The following DPF3 variants were observed in gnomAD, a reference collection of about 807,000 sequenced individuals.
The protein encoded by DPF3 is double PHD fingers 3, also known as zinc finger protein DPF3.
A neutral mutation model predicts 56.8 loss-of-function variants in DPF3; 18 were observed. The ratio of observed to expected loss-of-function variants is 0.32; its 90% CI spans 0.22 to 0.47. DPF3 has a LOEUF of 0.47. Among genes scored for constraint, DPF3 ranks in the 20% least tolerant of loss-of-function variants. DPF3 has a pLI of 1.00. For missense variants in DPF3, 403 were observed against 488.8 expected, an observed-to-expected ratio of 0.82 and a Z score of 1.65; for synonymous variants, 188 against 180.2, an observed-to-expected ratio of 1.04 and a Z score of -0.35.
At chr14:72,771,990 C>A in intron 1 of DPF3, 97 bp from the exon 2 acceptor site, 1 of 1,288,784 alleles carries the variant, frequency 7.8e-7, no homozygotes, top group Non-Finnish European at 1.0e-6. Context: ...CCTGGAAAGA[C>A]TGAAGACCTC....
chr14:72,849,662 C>T (rs1884895721), intron 1 of DPF3, among the ~76,000 whole-genome samples: 1 of 152,290 alleles, frequency 6.6e-6, no homozygotes, highest in South Asian at 2.1e-4. Flanking sequence ...CAACTCCTTC[C>T]TCCCCATTCC....
chr14:72,759,563 G>A (rs1599416753), intron 2 of DPF3, among the ~76,000 whole-genome samples: 1 of 148,778 alleles, frequency 6.7e-6, no homozygotes, highest in Non-Finnish European at 1.5e-5. Flanking sequence ...GAGAAAGGGA[G>A]GAAGGGAGAG....
At chr14:72,662,464 C>CT (rs1486589954) in intron 8 of DPF3, 42 of 983,344 alleles carry the variant, frequency 4.3e-5, no homozygotes, top group Admixed American at 6.1e-5. Context: ...ATAGTTAACT[C>CT]TTTTTTTCCA....
chr14:72,780,166 C>G (rs1452327088), intron 1 of DPF3, among the ~76,000 whole-genome samples: 2 of 152,196 alleles, frequency 1.3e-5, no homozygotes, highest in African/African-American at 2.4e-5. Flanking sequence ...TTACTTATAT[C>G]CTTCCTCCCA....
chr14:72,700,915 G>C (rs1888131244), intron 6 of DPF3, among the ~76,000 whole-genome samples: 1 of 152,226 alleles, frequency 6.6e-6, no homozygotes, highest in Non-Finnish European at 1.5e-5. Context: ...TGCTGTCAAA[G>C]TGGCCCAACA....
At chr14:72,821,318 C>T (rs920101206) in intron 1 of DPF3, among the ~76,000 whole-genome samples, 1 of 152,010 alleles carries the variant, frequency 6.6e-6, no homozygotes, top group Non-Finnish European at 1.5e-5. Flanking sequence ...CATGGCGGCT[C>T]AGTCCTATAA....
chr14:72,778,339 C>T (rs1019620883), intron 1 of DPF3, among the ~76,000 whole-genome samples: 4 of 152,100 alleles, frequency 2.6e-5, no homozygotes, highest in Non-Finnish European at 4.4e-5. Flanking sequence ...CTCATAGAAG[C>T]GCAAACCCTA....
At chr14:72,706,613 C>T (rs1399612358) in intron 6 of DPF3, among the ~76,000 whole-genome samples, 1 of 152,034 alleles carries the variant, frequency 6.6e-6, no homozygotes, top group African/African-American at 2.4e-5. Flanking sequence ...GCAGCAGAAC[C>T]ACTCCAAAGT....
intron 1 of DPF3, among the ~76,000 whole-genome samples, chr14:72,833,269 GAC>G (rs773431506): frequency 7.3e-4 from 111 of 152,246 alleles, no homozygotes; most frequent in Non-Finnish European, 6.8e-4. Context: ...GTCTGAGAGA[GAC>G]AGAAAGGATC....
intron 3 of DPF3, among the ~76,000 whole-genome samples, chr14:72,734,153 G>A (rs1463275721): frequency 6.6e-6 from 1 of 152,172 alleles, no homozygotes; most frequent in Non-Finnish European, 1.5e-5. Flanking sequence ...GCCTTTAGGA[G>A]GCTTACAGTC....
intron 1 of DPF3, 53 bp downstream of exon 1, chr14:72,894,004 T>C: frequency 6.2e-7 from 1 of 1,603,996 alleles, no homozygotes; most frequent in Non-Finnish European, 8.5e-7. Flanking sequence ...GAAGGCGCCT[T>C]TTTTTTCATA....
intron 8 of DPF3, among the ~76,000 whole-genome samples, chr14:72,646,042 G>A (rs4903038): frequency 0.027 from 4,041 of 152,178 alleles, 153 homozygotes; most frequent in East Asian, 0.14. Context: ...CATGCACAGG[G>A]TATTTTGAGA....
intron 2 of DPF3, among the ~76,000 whole-genome samples, chr14:72,766,480 A>T (rs1161596599): frequency 6.6e-6 from 1 of 152,192 alleles, no homozygotes; most frequent in African/African-American, 2.4e-5. Flanking sequence ...GAGACAAAGT[A>T]TCACTCTGTA....
In DPF3 at chr14:72,882,131, T is replaced by C. The variant is rs1296756566; in HGVS notation, c.32+11926A>G. On this transcript the variant is annotated intron_variant, in intron 1 of 10. Transcript: ENST00000556509. Reference sequence around the variant, plus strand: ...CTCTCTACAAAACTTGGGTTATGTTTATCTGAGGGACCAGGGAAGGCAGTG... The same window carrying C: ...CTCTCTACAAAACTTGGGTTATGTTCATCTGAGGGACCAGGGAAGGCAGTG... Among the ~76,000 whole-genome samples, 8 of 152,166 alleles carry C rather than the reference T, an allele frequency of 5.3e-5. No homozygotes were observed. The East Asian group carries it at 7.7e-4, about 15-fold the overall frequency.
chr14:72,867,798 G>A (rs1885736551), intron 1 of DPF3, among the ~76,000 whole-genome samples: 1 of 152,134 alleles, frequency 6.6e-6, no homozygotes, highest in South Asian at 2.1e-4. Context: ...GAGTGCAGTG[G>A]CACAATCTCG....
In DPF3 at chr14:72,612,793, GAGA is replaced by G. The variant is rs1386750051; in HGVS notation, c.*6501_*6503del. Among the ~76,000 whole-genome samples the G allele has an allele frequency of 2.0e-5, 3 of 152,236 alleles. No homozygotes were observed. Among genetic ancestry groups the G allele is most frequent in the Admixed American group, 6.5e-5 (1 of 15,292 alleles). On this transcript the variant is annotated 3_prime_UTR_variant, in exon 11 of 11. Transcript: ENST00000556509. ...AAGAAGCATAGGTGAACGAAGGGAA[GAGA>G]AGGAGAGAGGTCGCGGAGCCAGTAG...
intron 3 of DPF3, among the ~76,000 whole-genome samples, chr14:72,735,973 G>A (rs563147741): frequency 2.6e-5 from 4 of 152,124 alleles, no homozygotes; most frequent in African/African-American, 7.2e-5. Flanking sequence ...GATCATATAC[G>A]TAAAGAATCT....
intron 6 of DPF3, among the ~76,000 whole-genome samples, chr14:72,711,836 C>T (rs1318452544): frequency 6.6e-6 from 1 of 151,984 alleles, no homozygotes; most frequent in East Asian, 1.9e-4. Flanking sequence ...GTAACACCAT[C>T]CCTAGGGACG....
chr14:72,892,698 A>G, intron 1 of DPF3: 1 of 1,015,862 alleles, frequency 9.8e-7, no homozygotes. Flanking sequence ...CACCAGGGAG[A>G]ATTCGGCATG....
Sources: allele counts gnomAD v4.1 joint callset (sites outside exome capture counted in the v4.1 genomes callset), GRCh38; gene constraint gnomAD v4.1.1; transcripts MANE v1.5; gene names NCBI Gene and HGNC (gene_info 2026-07-23, HGNC 2026-07-21).